CACNA1E: variants seen among roughly 807,000 people sequenced by gnomAD.
CACNA1E encodes voltage-dependent R-type calcium channel subunit alpha-1E.
In CACNA1E, 40 loss-of-function variants were observed where a neutral mutation model predicts 259.2. The ratio of observed to expected loss-of-function variants is 0.15; its 90% CI spans 0.12 to 0.20. The LOEUF is 0.20. Among genes scored for constraint, CACNA1E ranks in the 10% least tolerant of loss-of-function variants. The probability of loss-of-function intolerance (pLI) is 1.00; values close to 1 mark genes in which losing one functional copy is unlikely to be tolerated. For missense variants in CACNA1E, 1,874 were observed against 3,040.1 expected, an observed-to-expected ratio of 0.62 and a Z score of 9.02; for synonymous variants, 1,104 against 1,138.5, an observed-to-expected ratio of 0.97 and a Z score of 0.61.
rs147863566 is a variant in CACNA1E at position 181,725,449 on chromosome 1, C to T, written c.2143-616C>T. Among the ~76,000 whole-genome samples, 1,512 of 152,274 alleles carry T rather than the reference C, an allele frequency of 9.9e-3. 28 individuals are homozygous for T. The highest frequency in any genetic ancestry group is 0.035 in the African/African-American group (1,443 of 41,550). On this transcript the variant is annotated intron_variant, in intron 17 of 47. Transcript: ENST00000367573. ...TTACTGTGAGGATCAAGTAAAATAA[C>T]GTCTGTGAAAACCATAGCATGCTCT...
intron 1 of CACNA1E, among the ~76,000 whole-genome samples, chr1:181,404,182 G>A (rs763417832): frequency 3.3e-5 from 5 of 152,162 alleles, no homozygotes; most frequent in African/African-American, 7.2e-5. Flanking sequence ...CTGTACGGAC[G>A]GTGCACAAGG....
chr1:181,580,416 A>C (rs1315854427), intron 5 of CACNA1E, among the ~76,000 whole-genome samples, 179 bp from the exon 6 acceptor site: 1 of 152,194 alleles, frequency 6.6e-6, no homozygotes, highest in African/African-American at 2.4e-5. Flanking sequence ...TGGATTGAAC[A>C]CATGATATGT....
intron 1 of CACNA1E, among the ~76,000 whole-genome samples, chr1:181,336,104 T>C (rs903620095): frequency 6.6e-6 from 1 of 152,232 alleles, no homozygotes; most frequent in Non-Finnish European, 1.5e-5. Flanking sequence ...TGATGGGTAC[T>C]TCTATTGTGA....
intron 2 of CACNA1E, among the ~76,000 whole-genome samples, chr1:181,456,348 C>G (rs890250916): frequency 6.6e-6 from 1 of 152,084 alleles, no homozygotes; most frequent in Non-Finnish European, 1.5e-5. Flanking sequence ...AGGGGGTACT[C>G]CTGTGTTCTG....
intron 3 of CACNA1E, among the ~76,000 whole-genome samples, chr1:181,518,110 A>G (rs1666727941): frequency 2.6e-5 from 4 of 152,006 alleles, no homozygotes. Context: ...GAGACATGAG[A>G]ACTTGTTATT....
chr1:181,661,960 G>A lies in CACNA1E; in HGVS notation c.1055+10519G>A, dbSNP rs568933888. Among the ~76,000 whole-genome samples the A allele has an allele frequency of 3.2e-4, 48 of 152,304 alleles. 1 individual carries two copies. Among genetic ancestry groups the A allele is most frequent in the African/African-American group, 1.1e-3 (47 of 41,562 alleles). On this transcript the variant is annotated intron_variant, in intron 7 of 47. Coordinates refer to ENST00000367573, the MANE Select transcript of CACNA1E (RefSeq NM_001205293.3). Reference sequence around the variant, plus strand: ...AAATTATCTGTCATCTAGTACAGCAGAACTTGATGAAAATGAACAGGTCCT... The same window carrying A: ...AAATTATCTGTCATCTAGTACAGCAAAACTTGATGAAAATGAACAGGTCCT...
At position 181,373,537 on chromosome 1, in the gene CACNA1E, C is replaced by CTT. The variant is rs5779097; in HGVS notation, c.-14-39579_-14-39578dup. On this transcript the variant is annotated intron_variant, in intron 1 of 11. Transcript: ENST00000524607. ...GATGTTCTCTCTTTTTCTTTTCTTT[C>CTT]TTTTTTTTTTTTTTTTTTGAGACGG... Among the ~76,000 whole-genome samples the CTT allele has an allele frequency of 2.9e-3, 350 of 120,894 alleles. 4 individuals are homozygous for CTT. Among genetic ancestry groups the CTT allele is most frequent in the African/African-American group, 6.5e-3 (207 of 31,622 alleles). 79.3% of individuals were successfully genotyped at this position (120,894 alleles called of 152,430 possible). A position where few individuals can be genotyped will look rare whatever the true frequency, so the allele number is the denominator to read the frequency against.
chr1:181,625,128 G>C (rs1405704594), intron 6 of CACNA1E, among the ~76,000 whole-genome samples: 1 of 143,714 alleles, frequency 7.0e-6, no homozygotes, highest in Non-Finnish European at 1.5e-5. Context: ...GTAAACAGAT[G>C]TTCTGTCATC....
intron 20 of CACNA1E, 81 bp downstream of exon 20, chr1:181,733,115 C>G (rs1655673022): frequency 7.0e-7 from 1 of 1,438,366 alleles, no homozygotes; most frequent in South Asian, 1.5e-5. Context: ...TTCTGAGCTC[C>G]AGTTTCTTCT....
chr1:181,702,267 C>T (rs754271877), intron 7 of CACNA1E, among the ~76,000 whole-genome samples: 1 of 152,040 alleles, frequency 6.6e-6, no homozygotes, highest in Non-Finnish European at 1.5e-5. Flanking sequence ...TTACACTCCT[C>T]GTCCACCAGC....
Position 181,509,435 on chromosome 1 carries a change from G to A in CACNA1E, c.267-1042G>A, listed in dbSNP as rs1168583328. Among the ~76,000 whole-genome samples, 3 of 152,106 alleles carry A rather than the reference G, an allele frequency of 2.0e-5. No homozygotes were observed. The South Asian group carries it at 6.2e-4, about 31-fold the overall frequency. ...CAGTCCCTTTCCTTCCCTCCACTTTGCCAGATCTACGGCTCCTCTCTTCTG... is the reference window on the plus strand; with the variant it reads ...CAGTCCCTTTCCTTCCCTCCACTTTACCAGATCTACGGCTCCTCTCTTCTG... On this transcript the variant is annotated intron_variant, in intron 1 of 47. Coordinates refer to ENST00000367573, the MANE Select transcript of CACNA1E (RefSeq NM_001205293.3).
intron 3 of CACNA1E, among the ~76,000 whole-genome samples, chr1:181,566,345 A>G (rs1458582651): frequency 1.3e-5 from 2 of 152,218 alleles, no homozygotes; most frequent in Admixed American, 1.3e-4. Flanking sequence ...TGTATGGAAC[A>G]GGGCTATATA....
chr1:181,728,680 CCAGGTGTGTGTGCCCTACA>C (rs1407135650), intron 18 of CACNA1E, among the ~76,000 whole-genome samples: 3 of 150,514 alleles, frequency 2.0e-5, no homozygotes, highest in East Asian at 2.0e-4. Context: ...TGTCCTCTGC[CCAGGTGTGTGTGCCCTACA>C]CAGGTGTGTG....
At chr1:181,723,513 A>C (rs1409360074) in intron 16 of CACNA1E, among the ~76,000 whole-genome samples, 2 of 152,206 alleles carry the variant, frequency 1.3e-5, no homozygotes, top group Non-Finnish European at 2.9e-5. Context: ...GCAATCCGGC[A>C]GTGGATACTA....
Position 181,500,985 on chromosome 1 carries a change from G to A in CACNA1E, c.267-9492G>A, listed in dbSNP as rs183670249. On this transcript the variant is annotated intron_variant, in intron 1 of 47. Coordinates refer to ENST00000367573, the MANE Select transcript of CACNA1E (RefSeq NM_001205293.3). ...CATAGTCATCTTCCCTGAAATGCAC[G>A]TTGCTGCCAGAACTCTTGATGGGCT... Among the ~76,000 whole-genome samples the A allele has an allele frequency of 1.1e-4, 17 of 152,318 alleles. No individual in the cohort carries two copies. In the East Asian group the frequency reaches 1.7e-3, roughly 16 times the overall value.
At chr1:181,696,735 A>T (rs1283262408) in intron 7 of CACNA1E, among the ~76,000 whole-genome samples, 1 of 152,170 alleles carries the variant, frequency 6.6e-6, no homozygotes, top group Non-Finnish European at 1.5e-5. Flanking sequence ...GATAAGATGT[A>T]TTTTCAGATA....
chr1:181,458,819 A>G (rs545081430), intron 2 of CACNA1E, among the ~76,000 whole-genome samples: 88 of 143,734 alleles, frequency 6.1e-4, no homozygotes, highest in African/African-American at 2.3e-3. Flanking sequence ...TAAATCATTT[A>G]TTTACCCATC....
intron 44 of CACNA1E, among the ~76,000 whole-genome samples, chr1:181,790,844 G>A (rs1327031442): frequency 3.9e-5 from 6 of 152,182 alleles, no homozygotes; most frequent in Admixed American, 1.3e-4. Flanking sequence ...GTGTAAGACC[G>A]GAAGTCACTT....
intron 3 of CACNA1E, among the ~76,000 whole-genome samples, chr1:181,552,172 C>T (rs1648239124): frequency 2.0e-5 from 3 of 152,202 alleles, no homozygotes; most frequent in Admixed American, 6.5e-5. Context: ...ATGCAGAGGA[C>T]TTTAGGGTGA....
Sources: gnomAD v4.1 joint callset for allele counts (sites outside exome capture counted in the v4.1 genomes callset) on GRCh38, gnomAD v4.1.1 for gene constraint, MANE v1.5 for transcripts, NCBI Gene and HGNC (gene_info 2026-07-23, HGNC 2026-07-21) for gene names.